The following TYR variants were observed in gnomAD, a reference collection of about 807,000 sequenced individuals.
TYR encodes the protein tyrosinase.
TYR carries 58 observed loss-of-function variants against 51.5 expected under a neutral mutation model. The ratio of observed to expected loss-of-function variants is 1.13; its 90% CI spans 0.91 to 1.40. The LOEUF (loss-of-function observed/expected upper bound fraction) is 1.40. TYR is among the 40% of genes most tolerant of loss of function. The pLI, the probability that TYR is intolerant of heterozygous loss-of-function variation, is 0.00. For missense variants in TYR, 732 were observed against 647.4 expected (o/e 1.13, Z -1.42); for synonymous variants, 263 against 235.2 (o/e 1.12, Z -1.08).
chr11:89,189,645 C>T (rs562687814), intron 1 of TYR, among the ~76,000 whole-genome samples: 13 of 152,190 alleles, frequency 8.5e-5, no homozygotes, highest in African/African-American at 3.1e-4. Flanking sequence ...TTACCAACCC[C>T]AGCCTCAGCA....
chr11:89,211,068 A>C (rs892447469), intron 2 of TYR, among the ~76,000 whole-genome samples: 6 of 152,184 alleles, frequency 3.9e-5, no homozygotes, highest in African/African-American at 7.2e-5. Flanking sequence ...TGGGCAAAAT[A>C]ACCAGTTAGC....
intron 2 of TYR, among the ~76,000 whole-genome samples, chr11:89,199,081 G>T (rs1171015591): frequency 6.6e-6 from 1 of 152,074 alleles, no homozygotes; most frequent in Non-Finnish European, 1.5e-5. Flanking sequence ...CCCTAAAAAG[G>T]ACATGAACTC....
At position 89,191,145 on chromosome 11, in the gene TYR, T is replaced by C. The variant is rs1357073152; in HGVS notation, c.820-57T>C. ...ATTAGGAGTTCCAACATTTCTGCCT[T>C]CTCCTACTGACTCAGTGGTGGTGAC... On this transcript the variant is annotated intron_variant, in intron 1 of 4. Coordinates refer to ENST00000263321, the MANE Select transcript of TYR (RefSeq NM_000372.5). 1.9e-5 allele frequency: 28 copies of C among 1,511,044 alleles called. No homozygotes were observed. In the Middle Eastern group the frequency reaches 6.8e-4, roughly 37 times the overall value. The allele number at this position is 1,511,044 out of a possible 1,614,324, so 93.6% of individuals were successfully genotyped here. A position where few individuals can be genotyped will look rare whatever the true frequency, so the allele number is the denominator to read the frequency against.
intron 3 of TYR, among the ~76,000 whole-genome samples, chr11:89,257,535 T>C (rs1416401609): frequency 1.8e-4 from 27 of 152,004 alleles, no homozygotes; most frequent in Admixed American, 1.7e-3. Context: ...GAGGGAATTA[T>C]AAGATTAAAT....
intron 2 of TYR, among the ~76,000 whole-genome samples, chr11:89,197,416 C>T (rs79692460): frequency 0.034 from 5,191 of 152,092 alleles, 140 homozygotes; most frequent in African/African-American, 0.072. Flanking sequence ...TAAATTCATT[C>T]GTAATACATT....
chr11:89,284,419 GT>G (rs1427091589), intron 3 of TYR, among the ~76,000 whole-genome samples: 1 of 151,420 alleles, frequency 6.6e-6, no homozygotes, highest in Admixed American at 6.6e-5. Context: ...TCTTTCTCTG[GT>G]CTTTCTTTGG....
At chr11:89,258,591 T>C (rs778025804) in intron 3 of TYR, among the ~76,000 whole-genome samples, 9 of 152,108 alleles carry the variant, frequency 5.9e-5, no homozygotes, top group Non-Finnish European at 1.3e-4. Flanking sequence ...CATCATAGAA[T>C]ATATGAGAAA....
chr11:89,236,585 G>C (rs965161375), intron 3 of TYR, among the ~76,000 whole-genome samples: 2 of 152,144 alleles, frequency 1.3e-5, no homozygotes, highest in East Asian at 3.9e-4. Flanking sequence ...GAAAGCTAGA[G>C]AACTGTGGGT....
At chr11:89,235,606 G>C (rs1355052155) in intron 3 of TYR, among the ~76,000 whole-genome samples, 1 of 152,086 alleles carries the variant, frequency 6.6e-6, no homozygotes, top group Non-Finnish European at 1.5e-5. Flanking sequence ...TTTAGATGCA[G>C]AATCTAAAAA....
intron 3 of TYR, among the ~76,000 whole-genome samples, chr11:89,249,742 T>G (rs999900990): frequency 6.6e-6 from 1 of 152,056 alleles, no homozygotes; most frequent in African/African-American, 2.4e-5. Context: ...TGAGATTTCC[T>G]TTTTAAGAGA....
chr11:89,261,353 T>C (rs1565416265), intron 3 of TYR, among the ~76,000 whole-genome samples: 1 of 151,800 alleles, frequency 6.6e-6, no homozygotes, highest in Admixed American at 6.6e-5. Context: ...GATGCACAGA[T>C]AGGTTGAAAA....
At position 89,233,146 on chromosome 11, in the gene TYR, C is replaced by A. The variant is rs370734451; in HGVS notation, c.1184+5176C>A. 1.4e-5 allele frequency among the ~76,000 whole-genome samples: 2 copies of A among 143,598 alleles called. 1 individual carries two copies. The highest frequency in any genetic ancestry group is 5.5e-5 in the African/African-American group (2 of 36,398). 94.2% of individuals were successfully genotyped at this position (143,598 alleles called of 152,430 possible). A position where few individuals can be genotyped will look rare whatever the true frequency, so the allele number is the denominator to read the frequency against. On this transcript the variant is annotated intron_variant, in intron 3 of 4. Coordinates refer to ENST00000263321, the MANE Select transcript of TYR (RefSeq NM_000372.5). ...CTAGGTTTATCTGATATACTAAATA[C>A]TTTGTTACAATATCAAAACATTCAC...
chr11:89,275,294 C>A (rs1267139862), intron 3 of TYR, among the ~76,000 whole-genome samples: 1 of 151,844 alleles, frequency 6.6e-6, no homozygotes, highest in Non-Finnish European at 1.5e-5. Context: ...ATGCTTGGAA[C>A]AAAACATGAA....
At chr11:89,293,069 C>T (rs1381234487) in intron 4 of TYR, among the ~76,000 whole-genome samples, 2 of 152,092 alleles carry the variant, frequency 1.3e-5, no homozygotes, top group Non-Finnish European at 2.9e-5. Context: ...ATTTTACAAA[C>T]TGTTCATTTA....
chr11:89,242,488 G>C (rs1944211219), intron 3 of TYR, among the ~76,000 whole-genome samples: 1 of 152,032 alleles, frequency 6.6e-6, no homozygotes, highest in South Asian at 2.1e-4. Flanking sequence ...GGGATTACAG[G>C]CATGAGCCAC....
At chr11:89,203,342 T>C (rs1318464486) in intron 2 of TYR, among the ~76,000 whole-genome samples, 8 of 152,166 alleles carry the variant, frequency 5.3e-5, no homozygotes, top group African/African-American at 1.9e-4. Flanking sequence ...AAAGTAAAGC[T>C]GGGGACTCTG....
At chr11:89,280,930 G>T (rs1421573859) in intron 3 of TYR, among the ~76,000 whole-genome samples, 1 of 151,576 alleles carries the variant, frequency 6.6e-6, no homozygotes, top group South Asian at 2.1e-4. Context: ...TTGGTTTTGG[G>T]TTTCCCTACA....
chr11:89,231,733 T>C (rs1944053395), intron 3 of TYR, among the ~76,000 whole-genome samples: 1 of 142,414 alleles, frequency 7.0e-6, no homozygotes, highest in Admixed American at 6.9e-5. Context: ...CCTGTACTCA[T>C]AGCACTTTGG....
At chr11:89,264,288 C>G (rs1944498186) in intron 3 of TYR, among the ~76,000 whole-genome samples, 1 of 151,954 alleles carries the variant, frequency 6.6e-6, no homozygotes, top group Non-Finnish European at 1.5e-5. Context: ...GGTAAAGTCT[C>G]CAAAGTCCAT....
Sources: gnomAD v4.1 joint callset for allele counts (sites outside exome capture counted in the v4.1 genomes callset) on GRCh38, gnomAD v4.1.1 for gene constraint, MANE v1.5 for transcripts, NCBI Gene and HGNC (gene_info 2026-07-23, HGNC 2026-07-21) for gene names.